Variants in LRRC71 observed in about 807,000 individuals in gnomAD.
LRRC71 encodes the protein leucine-rich repeat-containing protein 71.
A neutral mutation model predicts 66.6 loss-of-function variants in LRRC71; 54 were observed. The ratio of observed to expected loss-of-function variants is 0.81; its 90% CI spans 0.65 to 1.02. The LOEUF (loss-of-function observed/expected upper bound fraction) is 1.02. Among genes scored for constraint, LRRC71 ranks in the 50% least tolerant of loss-of-function variants. The pLI is 0.00. For missense variants in LRRC71, 724 were observed against 718.0 expected (o/e 1.01, Z -0.10); for synonymous variants, 323 against 303.9 (o/e 1.06, Z -0.65).
intron 2 of LRRC71, 77 bp from the exon 3 acceptor site, chr1:156,924,347 C>T: frequency 6.6e-7 from 1 of 1,505,148 alleles, no homozygotes. Context: ...TCCAATCCCA[C>T]CCGGGCACCC....
At position 156,927,554 on chromosome 1, in the gene LRRC71, G is replaced by T. The variant is rs1455832433; in HGVS notation, c.721G>T (p.Gly241Cys). The change falls in exon 7 of 15, where the codon GGC (glycine) becomes TGC (cysteine). Residue 241 changes from glycine (G) to cysteine (C), a missense_variant. Transcript: ENST00000337428. Reference protein sequence around the residue: ...NIDDRGAQLLGQALSTLHSCN... With the variant: ...NIDDRGAQLLCQALSTLHSCN... ...CGACGACCGCGGGGCGCAACTCCTG[G>T]GCCAGGCGCTGTCCACGCTGCACAG... is the stretch of plus-strand genomic sequence containing the variant. 1.3e-6 allele frequency: 2 copies of T among 1,576,462 alleles called. No individual in the cohort carries two copies. Among genetic ancestry groups the T allele is most frequent in the Non-Finnish European group, 8.6e-7 (1 of 1,161,360 alleles).
the LRRC71 span, chr1:156,940,376 C>T: frequency 6.2e-7 from 1 of 1,613,166 alleles, no homozygotes; most frequent in South Asian, 1.1e-5. Flanking sequence ...GCTCAGGGTC[C>T]TCTAGCAGGA....
the LRRC71 span, chr1:156,938,674 C>T: frequency 1.7e-6 from 1 of 591,486 alleles, no homozygotes; most frequent in Non-Finnish European, 2.9e-6. Flanking sequence ...ACATCCCAGG[C>T]AGTGCAGAGA....
chr1:156,920,999 A>G lies in LRRC71; in HGVS notation c.160+36A>G, dbSNP rs373368299. 21 of 1,467,226 alleles carry G rather than the reference A, an allele frequency of 1.4e-5. No individual in the cohort carries two copies. The African/African-American group carries it at 2.9e-4, about 20-fold the overall frequency. 90.9% of individuals were successfully genotyped at this position (1,467,226 alleles called of 1,614,324 possible). A position where few individuals can be genotyped will look rare whatever the true frequency, so the allele number is the denominator to read the frequency against. On this transcript the variant is annotated intron_variant, in intron 1 of 14. Coordinates refer to ENST00000337428, the MANE Select transcript of LRRC71 (RefSeq NM_144702.3). The surrounding 1 kb of genome is among the most constrained non-coding windows in gnomAD (Gnocchi z 4.9). ...GCCGGGGTTTGGGGATCGGGCTTCCAGGCTGCGTCTTCCCGGGTTCCCACT... is the reference window on the plus strand; with the variant it reads ...GCCGGGGTTTGGGGATCGGGCTTCCGGGCTGCGTCTTCCCGGGTTCCCACT...
At chr1:156,921,715 ACACACACACACAC>A (rs1652405300) in intron 1 of LRRC71, 1 of 56,834 alleles carries the variant, frequency 1.8e-5, no homozygotes, top group African/African-American at 7.4e-5. Flanking sequence ...CATTCAAAAC[ACACACACACACAC>A]ACACACACAC....
intron 13 of LRRC71, 55 bp from the exon 14 acceptor site, chr1:156,932,361 GGTGTGTCA>G: frequency 1.5e-6 from 2 of 1,326,894 alleles, no homozygotes; most frequent in Non-Finnish European, 1.1e-6. Flanking sequence ...GGGGATGTCT[GGTGTGTCA>G]GGTGCCAATG....
chr1:156,932,770 T>C, intron 14 of LRRC71, 83 bp from the exon 15 acceptor site: 1 of 1,066,058 alleles, frequency 9.4e-7, no homozygotes, highest in South Asian at 1.4e-5. Flanking sequence ...TAACCCACCC[T>C]GCCCCAGGAC....
chr1:156,925,796 C>T (rs892637711), intron 5 of LRRC71, among the ~76,000 whole-genome samples: 1 of 152,218 alleles, frequency 6.6e-6, no homozygotes, highest in Admixed American at 6.5e-5. Flanking sequence ...CTGTAGATGG[C>T]ATGGATGCTC....
chr1:156,929,129 T>C (rs1653877266), intron 9 of LRRC71, 151 bp from the exon 10 acceptor site: 1 of 927,766 alleles, frequency 1.1e-6, no homozygotes. Flanking sequence ...AGGAGTCCTA[T>C]ACAAATTATT....
downstream of LRRC71, chr1:156,934,852 A>G (rs3187878): frequency 0.18 from 26,622 of 151,122 alleles, 2,381 homozygotes; most frequent in East Asian, 0.32. Context: ...AAGGATATTT[A>G]ACTTTTCTTA....
At chr1:156,926,736 C>T (rs530488720) in intron 5 of LRRC71, among the ~76,000 whole-genome samples, 2 of 152,206 alleles carry the variant, frequency 1.3e-5, no homozygotes, top group East Asian at 1.9e-4. Flanking sequence ...CACCATGTCC[C>T]GCTAATTTTT....
intron 11 of LRRC71, among the ~76,000 whole-genome samples, chr1:156,930,046 C>CTTTCTTTCTTTCTTT (rs1654067564): frequency 8.0e-6 from 1 of 125,226 alleles, no homozygotes; most frequent in African/African-American, 3.4e-5. Context: ...CTTTCTTTCT[C>CTTTCTTTCTTTCTTT]TTTCTTTCTT....
intron 11 of LRRC71, among the ~76,000 whole-genome samples, chr1:156,930,054 C>CTT (rs1654075404): frequency 6.3e-5 from 7 of 110,640 alleles, no homozygotes; most frequent in African/African-American, 1.7e-4. Context: ...CTCTTTCTTT[C>CTT]TTTCTTTTTC....
Position 156,924,008 on chromosome 1 carries a change from G to A in LRRC71, c.220G>A (p.Gly74Ser). Residue 74 changes from glycine (G) to serine (S), a missense_variant, in exon 2 of 15, where the codon GGC becomes AGC. Physicochemically the swap from Gly to Ser is moderately conservative, Grantham distance 56. Transcript: ENST00000337428. ...CTTCGCCGAGCTCTGCACGCGGTGGGGCTACACGGACTTCCCCAAAGTTGT... is the reference window on the plus strand; with the variant it reads ...CTTCGCCGAGCTCTGCACGCGGTGGAGCTACACGGACTTCCCCAAAGTTGT... ...TDFAELCTRW[G>S]YTDFPKVVNR... 6.5e-7 allele frequency: 1 copy of A among 1,547,860 alleles called. No homozygotes were observed. The highest frequency in any genetic ancestry group is 8.7e-7 in the Non-Finnish European group (1 of 1,145,792).
the LRRC71 span, chr1:156,939,673 G>C: frequency 1.2e-6 from 2 of 1,614,052 alleles, no homozygotes; most frequent in Non-Finnish European, 1.7e-6. Flanking sequence ...GTGTTCCAGA[G>C]AACAGAGACC....
At chr1:156,928,491 C>CTCCTCT (rs148218482) in intron 9 of LRRC71, among the ~76,000 whole-genome samples, 2,447 of 137,946 alleles carry the variant, frequency 0.018, 46 homozygotes, top group South Asian at 0.049. Flanking sequence ...CCTCCTCCTC[C>CTCCTCT]TCTTCTTCCT....
chr1:156,921,758 C>T (rs1251045586), intron 1 of LRRC71: 1 of 492,186 alleles, frequency 2.0e-6, no homozygotes, highest in Non-Finnish European at 2.6e-6. Context: ...CACACACACA[C>T]ACACAGACAT....
downstream of LRRC71, chr1:156,933,118 G>C (rs1002307714): frequency 8.4e-6 from 5 of 592,740 alleles, no homozygotes; most frequent in South Asian, 2.2e-5. Flanking sequence ...CTTTCTTCCA[G>C]AACTACTTGG....
chr1:156,939,249 T>C, the LRRC71 span: 11 of 387,942 alleles, frequency 2.8e-5, no homozygotes, highest in East Asian at 1.9e-4. Flanking sequence ...GTACTGGTAG[T>C]TGGTTTGTGC....
Sources: gnomAD v4.1 joint callset for allele counts (sites outside exome capture counted in the v4.1 genomes callset) on GRCh38, gnomAD v4.1.1 for gene constraint, Gnocchi (gnomAD v3.1) non-coding constraint, MANE v1.5 for transcripts, NCBI Gene and HGNC (gene_info 2026-07-23, HGNC 2026-07-21) for gene names.